CNOT6L: variants seen among roughly 807,000 people sequenced by gnomAD.
The protein encoded by CNOT6L is CCR4-NOT transcription complex subunit 6 like.
A neutral mutation model predicts 64.0 loss-of-function variants in CNOT6L; 7 were observed. The observed-to-expected ratio is 0.11, with a 90% CI of 0.06 to 0.21. The LOEUF (loss-of-function observed/expected upper bound fraction) is 0.21, where lower values mean the gene tolerates loss of function less well. Ranked by LOEUF, CNOT6L falls within the 10% of genes least tolerant of loss-of-function variation. The pLI, the probability that CNOT6L is intolerant of heterozygous loss-of-function variation, is 1.00. For missense variants in CNOT6L, 245 were observed against 669.0 expected (o/e 0.37, Z 6.99); for synonymous variants, 193 against 243.4 (o/e 0.79, Z 1.93).
At chr4:77,753,708 A>G (rs1237995200) in intron 5 of CNOT6L, among the ~76,000 whole-genome samples, 3 of 151,884 alleles carry the variant, frequency 2.0e-5, no homozygotes, top group Non-Finnish European at 1.5e-5. Flanking sequence ...TCCTAAATAA[A>G]ATATTAGCAA....
chr4:77,742,502 T>C, intron 7 of CNOT6L: 1 of 621,986 alleles, frequency 1.6e-6, no homozygotes, highest in Non-Finnish European at 2.9e-6. Flanking sequence ...GTGACATGAT[T>C]TTCTCATGCT....
chr4:77,747,849 T>A (rs1220966590), intron 6 of CNOT6L, among the ~76,000 whole-genome samples: 1 of 152,204 alleles, frequency 6.6e-6, no homozygotes, highest in African/African-American at 2.4e-5. Flanking sequence ...ATATGTCTAG[T>A]CTACATTATT....
chr4:77,738,355 C>T (rs926648195), intron 8 of CNOT6L, among the ~76,000 whole-genome samples: 1 of 152,144 alleles, frequency 6.6e-6, no homozygotes, highest in Non-Finnish European at 1.5e-5. Flanking sequence ...TTCATATTTT[C>T]CCCCACTATT....
chr4:77,766,476 ACAT>A (rs893799573), intron 4 of CNOT6L, among the ~76,000 whole-genome samples: 5 of 152,000 alleles, frequency 3.3e-5, no homozygotes, highest in African/African-American at 1.2e-4. Flanking sequence ...CTTCCACTCA[ACAT>A]CATATGAATT....
At chr4:77,722,617 T>C (rs983227534) in intron 11 of CNOT6L, among the ~76,000 whole-genome samples, 9 of 152,154 alleles carry the variant, frequency 5.9e-5, no homozygotes, top group Admixed American at 1.3e-4. Flanking sequence ...TTTGCAAACG[T>C]AGGCCCCAAG....
intron 1 of CNOT6L, among the ~76,000 whole-genome samples, chr4:77,803,472 A>G: frequency 6.6e-6 from 1 of 152,350 alleles, no homozygotes; most frequent in Middle Eastern, 3.4e-3. Flanking sequence ...ACTTTAAAAA[A>G]GTGTGCAAAA....
intron 1 of CNOT6L, among the ~76,000 whole-genome samples, chr4:77,780,272 C>A (rs752036136): frequency 6.6e-6 from 1 of 152,138 alleles, no homozygotes; most frequent in Non-Finnish European, 1.5e-5. Context: ...GAAAACACAG[C>A]ACAGTTAATT....
In CNOT6L at chr4:77,731,466, A is replaced by G. The variant is rs370989602; in HGVS notation, c.945T>C (p.Ala315=). The change falls in exon 9 of 12, where the codon GCT becomes GCC. Residue 315 remains alanine (A), a synonymous_variant. Transcript: ENST00000504123. ...VAMANSDGSE[A]MLNRVMTKDN... ...CTTTTGTCATCACTCTGTTCAGCAT[A>G]GCTTCGGATCCATCTGAATTAGCCA... 1 of 1,611,070 alleles carries G rather than the reference A, an allele frequency of 6.2e-7. No homozygotes were observed. Among genetic ancestry groups the G allele is most frequent in the African/African-American group, 1.3e-5 (1 of 74,722 alleles).
chr4:77,789,724 G>A (rs959845365), intron 1 of CNOT6L, among the ~76,000 whole-genome samples: 1 of 151,706 alleles, frequency 6.6e-6, no homozygotes, highest in African/African-American at 2.4e-5. Flanking sequence ...GCAGAGGTGG[G>A]CAGATGGCAT....
At chr4:77,806,198 G>A (rs929582679) in intron 1 of CNOT6L, among the ~76,000 whole-genome samples, 3 of 152,254 alleles carry the variant, frequency 2.0e-5, no homozygotes, top group South Asian at 2.1e-4. Context: ...GGCTGAGGCC[G>A]GCGGATCACC....
chr4:77,726,471 G>T, intron 10 of CNOT6L, 102 bp from the exon 11 acceptor site: 1 of 851,896 alleles, frequency 1.2e-6, no homozygotes, highest in East Asian at 2.6e-5. Context: ...GCTCAGAGTG[G>T]TCTTCTTAGG....
intron 5 of CNOT6L, among the ~76,000 whole-genome samples, chr4:77,753,682 T>C (rs1333328842): frequency 1.3e-5 from 2 of 151,408 alleles, no homozygotes; most frequent in Non-Finnish European, 2.9e-5. Flanking sequence ...TAAAAATAAA[T>C]AAATAAATAA....
chr4:77,798,464 T>C (rs1560432711), intron 1 of CNOT6L, among the ~76,000 whole-genome samples: 1 of 152,152 alleles, frequency 6.6e-6, no homozygotes, highest in Non-Finnish European at 1.5e-5. Flanking sequence ...AACATTTTAA[T>C]AGACACTTCA....
Position 77,730,934 on chromosome 4 carries a change from T to C in CNOT6L, c.1024+453A>G, listed in dbSNP as rs988875771. Among the ~76,000 whole-genome samples the C allele has an allele frequency of 3.9e-5, 6 of 152,124 alleles. No homozygotes were observed. The South Asian group carries it at 1.2e-3, about 32-fold the overall frequency. On this transcript the variant is annotated intron_variant, in intron 9 of 11. Coordinates refer to ENST00000504123, the MANE Select transcript of CNOT6L (RefSeq NM_144571.3). ...CTAAAATGCTAAAGTAAGTACCATGTAGATAAAAGATCCTGCTCTTACCCT... is the reference window on the plus strand; with the variant it reads ...CTAAAATGCTAAAGTAAGTACCATGCAGATAAAAGATCCTGCTCTTACCCT...
intron 5 of CNOT6L, among the ~76,000 whole-genome samples, chr4:77,750,741 C>A (rs1724764122): frequency 6.6e-6 from 1 of 152,134 alleles, no homozygotes; most frequent in Admixed American, 6.5e-5. Context: ...GTTATATGGG[C>A]TACTATCACA....
intron 1 of CNOT6L, among the ~76,000 whole-genome samples, chr4:77,786,611 A>T (rs11731094): frequency 5.3e-5 from 8 of 151,852 alleles, no homozygotes; most frequent in Non-Finnish European, 8.8e-5. Flanking sequence ...AGTAGCTGGG[A>T]CTATATGTGC....
At chr4:77,729,862 GTTAACATT>G (rs1314926382) in intron 9 of CNOT6L, among the ~76,000 whole-genome samples, 1 of 151,688 alleles carries the variant, frequency 6.6e-6, no homozygotes, top group African/African-American at 2.4e-5. Context: ...ATTAAACATA[GTTAACATT>G]TACTGACAGA....
intron 1 of CNOT6L, among the ~76,000 whole-genome samples, chr4:77,800,556 GAAC>G (rs1481831614): frequency 1.3e-5 from 2 of 151,940 alleles, no homozygotes; most frequent in African/African-American, 4.8e-5. Context: ...ACAAAGTTTT[GAAC>G]AATATGAAAG....
intron 4 of CNOT6L, among the ~76,000 whole-genome samples, chr4:77,760,879 T>TTTTTTTTTTTTTTTTTA (rs1200944907): frequency 7.8e-6 from 1 of 128,384 alleles, no homozygotes; most frequent in African/African-American, 2.9e-5. Flanking sequence ...TTTTTTTTTT[T>TTTTTTTTTTTTTTTTTA]TTTTTTTTTT....
Sources: gnomAD v4.1 joint callset for allele counts (sites outside exome capture counted in the v4.1 genomes callset) on GRCh38, gnomAD v4.1.1 for gene constraint, MANE v1.5 for transcripts, NCBI Gene and HGNC (gene_info 2026-07-23, HGNC 2026-07-21) for gene names.